The following FLT3 variants were observed in gnomAD, a reference collection of about 807,000 sequenced individuals.
FLT3 encodes receptor-type tyrosine-protein kinase FLT3.
FLT3 carries 46 observed loss-of-function variants against 126.6 expected under a neutral mutation model. That is an observed-to-expected ratio of 0.36 (90% CI 0.29 to 0.46). FLT3 has a LOEUF of 0.46. Ranked by LOEUF, FLT3 falls within the 20% of genes least tolerant of loss-of-function variation. The pLI is 1.00. For missense variants in FLT3, 1,069 were observed against 1,190.3 expected (o/e 0.90, Z 1.50); for synonymous variants, 404 against 434.4 (o/e 0.93, Z 0.87).
intron 9 of FLT3, among the ~76,000 whole-genome samples, chr13:28,045,393 C>T (rs1017246818): frequency 2.0e-5 from 3 of 152,298 alleles, no homozygotes; most frequent in South Asian, 2.1e-4. Flanking sequence ...CCCCTTCTCT[C>T]TTTGAATCAG....
chr13:28,005,507 A>G (rs1870803250), intron 23 of FLT3, among the ~76,000 whole-genome samples: 2 of 152,076 alleles, frequency 1.3e-5, no homozygotes, highest in African/African-American at 4.8e-5. Context: ...ACATATTTAC[A>G]TTATTCACTA....
intron 23 of FLT3, among the ~76,000 whole-genome samples, chr13:28,008,515 G>A (rs964980302): frequency 2.0e-5 from 3 of 151,752 alleles, no homozygotes. Flanking sequence ...CGTTCTGTTT[G>A]CACTCCCAGG....
intron 9 of FLT3, among the ~76,000 whole-genome samples, chr13:28,047,970 A>G (rs998598189): frequency 6.6e-6 from 1 of 152,154 alleles, no homozygotes; most frequent in African/African-American, 2.4e-5. Flanking sequence ...TACACACCGC[A>G]CTCTCAAACA....
intron 1 of FLT3, among the ~76,000 whole-genome samples, chr13:28,094,791 G>A (rs1006602306): frequency 2.6e-5 from 4 of 152,092 alleles, no homozygotes; most frequent in Non-Finnish European, 4.4e-5. Flanking sequence ...GTGAACCACT[G>A]CACTCTGCCT....
At chr13:28,040,204 T>C (rs571971842) in intron 9 of FLT3, among the ~76,000 whole-genome samples, 4 of 152,170 alleles carry the variant, frequency 2.6e-5, no homozygotes, top group African/African-American at 9.6e-5. Flanking sequence ...GTGGTGAAGG[T>C]AGAGGGGTAA....
chr13:28,007,237 GTTAT>G (rs1449373407), intron 23 of FLT3, among the ~76,000 whole-genome samples: 1 of 151,896 alleles, frequency 6.6e-6, no homozygotes, highest in Non-Finnish European at 1.5e-5. Flanking sequence ...TCATCTGAAT[GTTAT>G]TTATTTGTGC....
chr13:28,052,142 T>C (rs1252738021), intron 5 of FLT3, among the ~76,000 whole-genome samples: 1 of 151,840 alleles, frequency 6.6e-6, no homozygotes, highest in African/African-American at 2.4e-5. Flanking sequence ...TTGCCCAGGC[T>C]GGAGTGCAAT....
intron 1 of FLT3, among the ~76,000 whole-genome samples, chr13:28,077,581 A>C (rs921822117): frequency 1.2e-4 from 18 of 152,234 alleles, no homozygotes; most frequent in African/African-American, 4.3e-4. Context: ...TGCGAGATAC[A>C]ATTCAAGTTG....
In FLT3 at chr13:28,015,267, C is replaced by T. The variant is rs769122661; in HGVS notation, c.2654-11G>A. The T allele has an allele frequency of 1.3e-6, 2 of 1,518,514 alleles. No homozygotes were observed. Among genetic ancestry groups the T allele is most frequent in the South Asian group, 1.1e-5 (1 of 88,498 alleles). The allele number at this position is 1,518,514 out of a possible 1,614,324, so 94.1% of individuals were successfully genotyped here. ...GGTAAGGATTCACACCTGAGGAAAA[C>T]ATTAGACAATTGCAGCCATTCATCC... On this transcript the variant is annotated splice_polypyrimidine_tract_variant and intron_variant, in intron 21 of 23. Coordinates refer to ENST00000241453, the MANE Select transcript of FLT3 (RefSeq NM_004119.3).
intron 23 of FLT3, among the ~76,000 whole-genome samples, chr13:28,005,863 T>C (rs1011384009): frequency 6.6e-6 from 1 of 152,224 alleles, no homozygotes; most frequent in East Asian, 1.9e-4. Context: ...CTTAACTATA[T>C]ATGTTTCACT....
intron 10 of FLT3, 86 bp downstream of exon 10, chr13:28,037,099 G>T: frequency 1.3e-6 from 1 of 785,836 alleles, no homozygotes; most frequent in Non-Finnish European, 2.2e-6. Flanking sequence ...GCCCTTCTAA[G>T]CCATTACTTA....
At chr13:28,074,075 C>A (rs906187557) in intron 1 of FLT3, among the ~76,000 whole-genome samples, 2 of 152,058 alleles carry the variant, frequency 1.3e-5, no homozygotes, top group Non-Finnish European at 2.9e-5. Context: ...TCCCCCACAC[C>A]CAAGCCACCT....
At chr13:28,039,224 T>C (rs1203354714) in intron 9 of FLT3, among the ~76,000 whole-genome samples, 1 of 152,188 alleles carries the variant, frequency 6.6e-6, no homozygotes, top group Non-Finnish European at 1.5e-5. Context: ...TTTATTGATA[T>C]GGAGTCTCAC....
chr13:28,042,673 G>T (rs1252101600), intron 9 of FLT3, among the ~76,000 whole-genome samples: 1 of 152,120 alleles, frequency 6.6e-6, no homozygotes, highest in African/African-American at 2.4e-5. Context: ...TATTCTCACA[G>T]AATGGCTTCT....
intron 17 of FLT3, among the ~76,000 whole-genome samples, chr13:28,026,732 AT>A (rs1566065521): frequency 6.6e-6 from 1 of 152,188 alleles, no homozygotes; most frequent in Non-Finnish European, 1.5e-5. Flanking sequence ...CTCTCTTTGC[AT>A]ATGTTAAGGA....
chr13:28,049,625 G>T lies in FLT3; in HGVS notation c.882+10C>A. 1 of 1,613,928 alleles carries T rather than the reference G, an allele frequency of 6.2e-7. No homozygotes were observed. The highest frequency in any genetic ancestry group is 1.7e-5 in the Admixed American group (1 of 60,004). ...TCCTGCATTTTCAGAATACAAACTT[G>T]TCCTATTACCTCCTCGAGTGCTTTG... On this transcript the variant is annotated intron_variant, in intron 7 of 23. Coordinates refer to ENST00000241453, the MANE Select transcript of FLT3 (RefSeq NM_004119.3).
At chr13:28,071,221 G>A (rs1877491635) in intron 1 of FLT3, among the ~76,000 whole-genome samples, 1 of 151,272 alleles carries the variant, frequency 6.6e-6, no homozygotes. Context: ...CGTTAGCCAG[G>A]CTGGTCTTGG....
intron 19 of FLT3, among the ~76,000 whole-genome samples, chr13:28,019,078 C>T (rs568647779): frequency 2.0e-5 from 3 of 151,968 alleles, no homozygotes; most frequent in African/African-American, 7.2e-5. Context: ...AGCAATTCTC[C>T]TGCCTCAGCC....
At chr13:28,088,408 C>T (rs1593304705) in intron 1 of FLT3, among the ~76,000 whole-genome samples, 2 of 151,952 alleles carry the variant, frequency 1.3e-5, no homozygotes, top group Non-Finnish European at 2.9e-5. Flanking sequence ...ACACCTCAGC[C>T]TCCCAAGTAG....
Sources: allele counts gnomAD v4.1 joint callset (sites outside exome capture counted in the v4.1 genomes callset), GRCh38; gene constraint gnomAD v4.1.1; transcripts MANE v1.5; gene names NCBI Gene and HGNC (gene_info 2026-07-23, HGNC 2026-07-21).